Variants in TWSG1 observed in about 807,000 individuals in gnomAD.
TWSG1 encodes the protein twisted gastrulation BMP signaling modulator 1.
Under a neutral mutation model 23.0 loss-of-function variants are expected in TWSG1, and 15 were observed. That is an observed-to-expected ratio of 0.65 (90% CI 0.44 to 1.00). TWSG1 has a LOEUF of 1.00. TWSG1 is among the 50% of genes least tolerant of loss of function. TWSG1 has a pLI of 0.00. For missense variants in TWSG1, 242 were observed against 278.7 expected, an observed-to-expected ratio of 0.87 and a Z score of 0.94; for synonymous variants, 86 against 92.8, an observed-to-expected ratio of 0.93 and a Z score of 0.42.
At chr18:9,363,414 A>G (rs1213589998) in intron 3 of TWSG1, among the ~76,000 whole-genome samples, 1 of 152,124 alleles carries the variant, frequency 6.6e-6, no homozygotes, top group Non-Finnish European at 1.5e-5. Context: ...AGTCATTAAT[A>G]CATTGCCAGA....
intron 2 of TWSG1, among the ~76,000 whole-genome samples, chr18:9,350,039 C>T (rs943885435): frequency 5.9e-5 from 9 of 152,190 alleles, no homozygotes; most frequent in Admixed American, 4.6e-4. Context: ...ACTCAGGAGG[C>T]TGAGGCAGGA....
chr18:9,340,097 G>T (rs868422900), intron 2 of TWSG1, among the ~76,000 whole-genome samples: 1 of 152,024 alleles, frequency 6.6e-6, no homozygotes, highest in African/African-American at 2.4e-5. Context: ...GGCCGGGCGC[G>T]GTGGCTCAAG....
At chr18:9,361,333 G>A (rs187814771) in intron 3 of TWSG1, among the ~76,000 whole-genome samples, 3 of 152,170 alleles carry the variant, frequency 2.0e-5, no homozygotes, top group Non-Finnish European at 4.4e-5. Flanking sequence ...ACTGTTTTGT[G>A]GTTGCTGTTG....
rs2040766091 is a variant in TWSG1 at position 9,402,292 on chromosome 18, G to A, written c.*2765G>A. 6.6e-6 allele frequency: 1 copy of A among 152,094 alleles called. No homozygotes were observed. The highest frequency in any genetic ancestry group is 2.4e-5 in the African/African-American group (1 of 41,436). The allele number at this position is 152,094 out of a possible 1,614,324, so 9.4% of individuals were successfully genotyped here. A position where few individuals can be genotyped will look rare whatever the true frequency, so the allele number is the denominator to read the frequency against. ...TTATGAAAGCTTCTTTTAAGATTTT[G>A]AAATCTATTCTGCATTCCCAAGAGT... On this transcript the variant is annotated 3_prime_UTR_variant, in exon 5 of 5. Coordinates refer to ENST00000262120, the MANE Select transcript of TWSG1 (RefSeq NM_020648.6).
chr18:9,384,050 T>C (rs993208761), intron 3 of TWSG1, among the ~76,000 whole-genome samples: 10 of 152,202 alleles, frequency 6.6e-5, no homozygotes, highest in African/African-American at 2.4e-4. Flanking sequence ...TAAACAATTA[T>C]GTTTCCAAAT....
At chr18:9,363,327 C>CTTTT (rs367828859) in intron 3 of TWSG1, among the ~76,000 whole-genome samples, 8 of 151,036 alleles carry the variant, frequency 5.3e-5, no homozygotes, top group Admixed American at 2.0e-4. Context: ...GCTCTTTTTT[C>CTTTT]TTTTTTTTTA....
At chr18:9,389,249 T>C (rs2040700167) in intron 3 of TWSG1, among the ~76,000 whole-genome samples, 1 of 152,222 alleles carries the variant, frequency 6.6e-6, no homozygotes, top group African/African-American at 2.4e-5. Flanking sequence ...GTGCTGAGAT[T>C]ACAGGTGTGA....
chr18:9,382,806 C>CAAAAAAA lies in TWSG1; in HGVS notation c.224-13467_224-13461dup, dbSNP rs369549581. ...TGGGTGACAGAGTAAGACTCCGTCT[C>CAAAAAAA]AAAAAAAAAAAAACAAAAACAAAAA... On this transcript the variant is annotated intron_variant, in intron 3 of 4. Transcript: ENST00000262120. 2.1e-3 allele frequency among the ~76,000 whole-genome samples: 166 copies of CAAAAAAA among 80,564 alleles called. 1 individual carries two copies. Among genetic ancestry groups the CAAAAAAA allele is most frequent in the Middle Eastern group, 6.9e-3 (1 of 144 alleles). The allele number at this position is 80,564 out of a possible 152,430, so 52.9% of individuals were successfully genotyped here. A position where few individuals can be genotyped will look rare whatever the true frequency, so the allele number is the denominator to read the frequency against.
intron 2 of TWSG1, among the ~76,000 whole-genome samples, chr18:9,349,729 T>G (rs2145598040): frequency 6.6e-6 from 1 of 152,360 alleles, no homozygotes; most frequent in East Asian, 1.9e-4. Flanking sequence ...TTATCTTGAT[T>G]TGTTAGTACA....
chr18:9,370,582 G>T (rs374296549), intron 3 of TWSG1, among the ~76,000 whole-genome samples: 3 of 152,124 alleles, frequency 2.0e-5, no homozygotes. Context: ...TAAAGACACC[G>T]AAGACTAGAG....
At chr18:9,336,961 A>G (rs549982459) in intron 1 of TWSG1, among the ~76,000 whole-genome samples, 4 of 152,288 alleles carry the variant, frequency 2.6e-5, no homozygotes, top group African/African-American at 9.6e-5. Flanking sequence ...GTAGTCCCAG[A>G]TAACTGGGAG....
At chr18:9,357,517 T>A (rs1329014253) in intron 2 of TWSG1, among the ~76,000 whole-genome samples, 1 of 152,174 alleles carries the variant, frequency 6.6e-6, no homozygotes, top group African/African-American at 2.4e-5. Context: ...TTAGTAGGGA[T>A]AAATATTGTG....
At chr18:9,391,361 A>G (rs2040711833) in intron 3 of TWSG1, among the ~76,000 whole-genome samples, 1 of 152,116 alleles carries the variant, frequency 6.6e-6, no homozygotes, top group Non-Finnish European at 1.5e-5. Flanking sequence ...TCTCTTCTAA[A>G]CTCCTGATAA....
intron 3 of TWSG1, among the ~76,000 whole-genome samples, chr18:9,366,817 A>G (rs1408761211): frequency 6.6e-6 from 1 of 152,198 alleles, no homozygotes; most frequent in Non-Finnish European, 1.5e-5. Context: ...ATAATAGTAT[A>G]TATTTACCCA....
chr18:9,378,961 C>T (rs1300460938), intron 3 of TWSG1, among the ~76,000 whole-genome samples: 2 of 151,978 alleles, frequency 1.3e-5, no homozygotes. Flanking sequence ...AAATCAAAAC[C>T]ACAATGAGAT....
intron 4 of TWSG1, among the ~76,000 whole-genome samples, chr18:9,398,004 CAAAAAA>C (rs573745689): frequency 4.7e-5 from 4 of 84,730 alleles, no homozygotes; most frequent in Non-Finnish European, 6.8e-5. Context: ...AACTCCATCT[CAAAAAA>C]AAAAAAAAAA....
rs753566861 is a variant in TWSG1, at chr18:9,396,339, G to A, written c.283G>A (p.Glu95Lys). 1 of 1,614,104 alleles carries A rather than the reference G, an allele frequency of 6.2e-7. No individual in the cohort carries two copies. The highest frequency in any genetic ancestry group is 8.5e-7 in the Non-Finnish European group (1 of 1,180,020). ...TCCAACTTCAAAGAGCACAGTGGAG[G>A]AGCTGCATGAACCGATCCCTTCTCT... Reference protein sequence around the residue: ...TPPTSKSTVEELHEPIPSLFR... With the variant: ...TPPTSKSTVEKLHEPIPSLFR... The change falls in exon 4 of 5, where the codon GAG becomes AAG. Residue 95 changes from glutamate (E) to lysine (K), a missense_variant. Physicochemically the swap from Glu to Lys is moderately conservative, Grantham distance 56. Transcript: ENST00000262120.
intron 3 of TWSG1, among the ~76,000 whole-genome samples, chr18:9,393,411 T>C (rs1458118419): frequency 6.6e-6 from 1 of 152,230 alleles, no homozygotes; most frequent in East Asian, 1.9e-4. Context: ...ATCCACTTGG[T>C]GTCAGCTGGG....
rs1189545523 is a variant in TWSG1 at position 9,401,838 on chromosome 18, T to C, written c.*2311T>C. ...ATTGAAGTTTTGGTAAAAATTCTTT[T>C]TTCTTTTTTAATAAAAAATTAGGTT... On this transcript the variant is annotated 3_prime_UTR_variant, in exon 5 of 5. Transcript: ENST00000262120. 1.3e-5 allele frequency: 2 copies of C among 152,150 alleles called. No individual in the cohort carries two copies. 9.4% of individuals were successfully genotyped at this position (152,150 alleles called of 1,614,324 possible).
Sources: allele counts gnomAD v4.1 joint callset (sites outside exome capture counted in the v4.1 genomes callset), GRCh38; gene constraint gnomAD v4.1.1; transcripts MANE v1.5; gene names NCBI Gene and HGNC (gene_info 2026-07-23, HGNC 2026-07-21).